Variants in NUP58 observed in about 807,000 individuals in gnomAD.
NUP58 encodes the protein nucleoporin 58.
In NUP58, 17 loss-of-function variants were observed where a neutral mutation model predicts 70.1. That is an observed-to-expected ratio of 0.24 (90% confidence interval 0.17 to 0.36). NUP58 has a LOEUF of 0.36. Among genes scored for constraint, NUP58 ranks in the 10% least tolerant of loss-of-function variants. The pLI, the probability that NUP58 is intolerant of heterozygous loss-of-function variation, is 1.00. For synonymous variants in NUP58, 275 were observed against 257.6 expected, an observed-to-expected ratio of 1.07 and a Z score of -0.65; for missense variants, 644 against 701.5, an observed-to-expected ratio of 0.92 and a Z score of 0.93.
intron 14 of NUP58, among the ~76,000 whole-genome samples, chr13:25,338,427 T>TA (rs2031856609): frequency 6.6e-6 from 1 of 152,212 alleles, no homozygotes; most frequent in Admixed American, 6.5e-5. Context: ...GTCACAAACT[T>TA]AGTCTAAATA....
At position 25,313,598 on chromosome 13, in the gene NUP58, A is replaced by C. The variant is rs367710870; in HGVS notation, c.437-16A>C. Reference sequence around the variant, plus strand: ...ATAAGTTGCCTTTTGAAAGCTTACTATCTCTCTTTTTATAGCATCCACAGG... The same window carrying C: ...ATAAGTTGCCTTTTGAAAGCTTACTCTCTCTCTTTTTATAGCATCCACAGG... On this transcript the variant is annotated splice_polypyrimidine_tract_variant and intron_variant, in intron 4 of 15. Coordinates refer to ENST00000381736, the MANE Select transcript of NUP58 (RefSeq NM_014089.4). 4 of 1,474,760 alleles carry C rather than the reference A, an allele frequency of 2.7e-6. No homozygotes were observed. The highest frequency in any genetic ancestry group is 2.7e-5 in the East Asian group (1 of 37,022). 91.4% of individuals were successfully genotyped at this position (1,474,760 alleles called of 1,614,324 possible). A position where few individuals can be genotyped will look rare whatever the true frequency, so the allele number is the denominator to read the frequency against.
intron 12 of NUP58, among the ~76,000 whole-genome samples, chr13:25,330,436 A>G (rs759413315): frequency 5.3e-5 from 8 of 152,190 alleles, no homozygotes; most frequent in African/African-American, 9.7e-5. Context: ...TTTAAATACT[A>G]TAAACAACAG....
In NUP58 at chr13:25,331,392, G is replaced by A. The variant is rs144130424; in HGVS notation, c.1269G>A (p.Met423Ile). 1.4e-5 allele frequency: 23 copies of A among 1,614,110 alleles called. No homozygotes were observed. The East Asian group carries it at 4.7e-4, about 33-fold the overall frequency. Residue 423 changes from methionine (M) to isoleucine (I), a missense_variant, in exon 13 of 16, where the codon ATG becomes ATA. Coordinates refer to ENST00000381736, the MANE Select transcript of NUP58 (RefSeq NM_014089.4). ...LKEQYLGYRK[M>I]FLGDAVDVFE... ...AACAGTACCTTGGCTACAGGAAAAT[G>A]TTCTTGGGAGATGCTGTTGATGTGT...
rs562132125 is a variant in NUP58, at chr13:25,305,130, G to GTTTTTTTTTTTTTTTT, written c.108-2660_108-2645dup. ...GACTAAATGTTTAAAGATCTGTGGG[G>GTTTTTTTTTTTTTTTT]TTTTTTTTTTTTTTTTTTTTTTTTT... On this transcript the variant is annotated intron_variant, in intron 1 of 15. Transcript: ENST00000381736. 8.5e-5 allele frequency among the ~76,000 whole-genome samples: 5 copies of GTTTTTTTTTTTTTTTT among 58,568 alleles called. 1 individual carries two copies. Among genetic ancestry groups the GTTTTTTTTTTTTTTTT allele is most frequent in the African/African-American group, 2.6e-4 (5 of 19,508 alleles). The allele number at this position is 58,568 out of a possible 152,430, so 38.4% of individuals were successfully genotyped here.
chr13:25,320,822 T>A (rs1178348972), intron 8 of NUP58, 97 bp from the exon 9 acceptor site: 1 of 862,068 alleles, frequency 1.2e-6, no homozygotes, highest in African/African-American at 1.7e-5. Context: ...TTTAGTTTTG[T>A]ATTTTAAAAC....
chr13:25,309,195 A>G (rs2137725948), intron 2 of NUP58, 52 bp from the exon 3 acceptor site: 3 of 1,391,698 alleles, frequency 2.2e-6, no homozygotes, highest in Middle Eastern at 1.9e-4. Context: ...GGTAAACCTA[A>G]AGAATGTCAT....
chr13:25,322,834 A>G (rs951878279), intron 9 of NUP58, among the ~76,000 whole-genome samples: 1 of 152,148 alleles, frequency 6.6e-6, no homozygotes, highest in Admixed American at 6.5e-5. Context: ...TGTCCTTTCT[A>G]GGGAATAGAA....
At chr13:25,321,125 GT>G (rs1408920592) in intron 9 of NUP58, 32 bp downstream of exon 9, 7 of 1,531,588 alleles carry the variant, frequency 4.6e-6, no homozygotes, top group South Asian at 2.5e-5. Flanking sequence ...TTACCGTAGG[GT>G]TTTTTTGTTT....
chr13:25,327,312 T>C, intron 11 of NUP58, 118 bp from the exon 12 acceptor site: 1 of 611,368 alleles, frequency 1.6e-6, no homozygotes, highest in Non-Finnish European at 2.9e-6. Flanking sequence ...AGAACGTTGA[T>C]AGAGTTTTTT....
In NUP58 at chr13:25,315,309, ATTG is replaced by A. The variant is rs764845566; in HGVS notation, c.575-43_575-41del. 8.2e-6 allele frequency: 11 copies of A among 1,346,226 alleles called. No individual in the cohort carries two copies. In the African/African-American group the frequency reaches 1.4e-4, roughly 18 times the overall value. 83.4% of individuals were successfully genotyped at this position (1,346,226 alleles called of 1,614,324 possible). A position where few individuals can be genotyped will look rare whatever the true frequency, so the allele number is the denominator to read the frequency against. On this transcript the variant is annotated intron_variant, in intron 5 of 15. Transcript: ENST00000381736. The stretch of plus-strand genomic sequence containing the variant: ...AGAGTCCTTTGATCAGTAAGGGGAA[ATTG>A]TTGTAGTCTTTTGATGGAATTTATA...
chr13:25,326,043 T>G (rs1016854130), intron 10 of NUP58, among the ~76,000 whole-genome samples: 8 of 152,212 alleles, frequency 5.3e-5, no homozygotes, highest in African/African-American at 1.9e-4. Flanking sequence ...CAGTTTGGGT[T>G]ATTTGCAGAA....
At chr13:25,319,376 G>A (rs1381917338) in intron 7 of NUP58, 26 bp downstream of exon 7, 1 of 1,589,868 alleles carries the variant, frequency 6.3e-7, no homozygotes, top group Non-Finnish European at 8.6e-7. Flanking sequence ...TACCCTTAAG[G>A]CATTTTAATT....
chr13:25,307,453 A>T (rs1016914688), intron 1 of NUP58, among the ~76,000 whole-genome samples: 2 of 152,008 alleles, frequency 1.3e-5, no homozygotes, highest in African/African-American at 4.8e-5. Context: ...TGACCTTGTG[A>T]TCCACCTGCC....
intron 3 of NUP58, 67 bp from the exon 4 acceptor site, chr13:25,312,816 T>C (rs747584590): frequency 1.6e-4 from 230 of 1,477,210 alleles, no homozygotes; most frequent in Non-Finnish European, 2.0e-4. Context: ...GAAACCAGTA[T>C]AATAGAACAC....
downstream of NUP58, among the ~76,000 whole-genome samples, chr13:25,344,672 A>G (rs966920915): frequency 5.3e-5 from 8 of 152,188 alleles, no homozygotes; most frequent in Admixed American, 4.6e-4. Flanking sequence ...ATTGACAACA[A>G]TAAGCACAGC....
In NUP58 at chr13:25,340,187, T is replaced by C; in HGVS notation, c.*53T>C. 3 of 1,395,514 alleles carry C rather than the reference T, an allele frequency of 2.1e-6. No individual in the cohort carries two copies. The highest frequency in any genetic ancestry group is 2.8e-6 in the Non-Finnish European group (3 of 1,058,388). The allele number at this position is 1,395,514 out of a possible 1,614,324, so 86.4% of individuals were successfully genotyped here. Reference sequence around the variant, plus strand: ...ATAGCAGCACCGTTCATTCTATGAGTCTATTTTTCTAATGATGCAGTAATT... The same window carrying C: ...ATAGCAGCACCGTTCATTCTATGAGCCTATTTTTCTAATGATGCAGTAATT... On this transcript the variant is annotated 3_prime_UTR_variant, in exon 16 of 16. Coordinates refer to ENST00000381736, the MANE Select transcript of NUP58 (RefSeq NM_014089.4).
At chr13:25,335,587 A>AT in intron 13 of NUP58, 1 of 981,964 alleles carries the variant, frequency 1.0e-6, no homozygotes, top group Non-Finnish European at 1.2e-6. Flanking sequence ...ATTTTAAATT[A>AT]TTTTTTTAAT....
At chr13:25,304,130 T>G (rs2030171940) in intron 1 of NUP58, among the ~76,000 whole-genome samples, 1 of 152,164 alleles carries the variant, frequency 6.6e-6, no homozygotes, top group South Asian at 2.1e-4. Flanking sequence ...TAGCATCAAG[T>G]CTGGCACTTG....
intron 3 of NUP58, among the ~76,000 whole-genome samples, chr13:25,349,343 A>C (rs1418965651): frequency 6.6e-6 from 1 of 152,218 alleles, no homozygotes; most frequent in Non-Finnish European, 1.5e-5. Context: ...TAGGGTTAGA[A>C]TCTCAGCTTT....
Sources: allele counts gnomAD v4.1 joint callset (sites outside exome capture counted in the v4.1 genomes callset), GRCh38; gene constraint gnomAD v4.1.1; transcripts MANE v1.5; gene names NCBI Gene and HGNC (gene_info 2026-07-23, HGNC 2026-07-21).